COQ10B: variants seen among roughly 807,000 people sequenced by gnomAD.
The protein encoded by COQ10B is coenzyme Q10B.
Under a neutral mutation model 27.6 loss-of-function variants are expected in COQ10B, and 12 were observed. That is an observed-to-expected ratio of 0.43 (90% CI 0.28 to 0.70). The LOEUF is 0.70. COQ10B is among the 30% of genes least tolerant of loss of function. The pLI is 0.17. For synonymous variants in COQ10B, 115 were observed against 103.0 expected, an observed-to-expected ratio of 1.12 and a Z score of -0.71; for missense variants, 278 against 288.7, an observed-to-expected ratio of 0.96 and a Z score of 0.27.
intron 3 of COQ10B, among the ~76,000 whole-genome samples, 165 bp from the exon 4 acceptor site, chr2:197,469,905 T>C (rs2085861605): frequency 6.6e-6 from 1 of 152,174 alleles, no homozygotes; most frequent in Non-Finnish European, 1.5e-5. Flanking sequence ...GGCAAGACAT[T>C]ACTTCCTAGT....
chr2:197,473,867 T>C lies in COQ10B; in HGVS notation c.660T>C (p.Tyr220=), dbSNP rs766180693. The C allele has an allele frequency of 1.9e-6, 3 of 1,602,178 alleles. No homozygotes were observed. The highest frequency in any genetic ancestry group is 2.2e-5 in the South Asian group (2 of 89,330). ...TTGAAAGAAGAGCATGTAAGCTGTA[T>C]GGTCCAGAAACAAATATACCTCGGG... ...AAFERRACKL[Y]GPETNIPREL... The change falls in exon 5 of 5, where the codon TAT becomes TAC. Residue 220 remains tyrosine, a synonymous_variant. Transcript: ENST00000263960.
Position 197,462,539 on chromosome 2 carries a change from A to C in COQ10B, c.255A>C (p.Gly85=). The C allele has an allele frequency of 6.6e-7, 1 of 1,518,072 alleles. No homozygotes were observed. The allele number at this position is 1,518,072 out of a possible 1,614,324, so 94.0% of individuals were successfully genotyped here. A position where few individuals can be genotyped will look rare whatever the true frequency, so the allele number is the denominator to read the frequency against. The change falls in exon 3 of 5, where the codon GGA becomes GGC. Residue 85 remains glycine (G), a splice_region_variant and synonymous_variant. Coordinates refer to ENST00000263960, the MANE Select transcript of COQ10B (RefSeq NM_025147.5). ...TCTTTTTTATTTTTATTTTTTAAAG[A>C]TATTCAATGCAGGAAATGTATGATG... ...RKEYSERRIL[G]YSMQEMYDVV...
At chr2:197,463,994 TATACACAC>T (rs1408271795) in intron 3 of COQ10B, among the ~76,000 whole-genome samples, 116 of 50,850 alleles carry the variant, frequency 2.3e-3, no homozygotes, top group African/African-American at 7.6e-3. Flanking sequence ...TATATATATA[TATACACAC>T]ACACACACAC....
intron 4 of COQ10B, 36 bp from the exon 5 acceptor site, chr2:197,473,721 A>AT: frequency 1.5e-6 from 2 of 1,367,326 alleles, no homozygotes; most frequent in Middle Eastern, 2.5e-4. Context: ...GCAAAAAATA[A>AT]TTTTTTCTAA....
chr2:197,457,879 C>T (rs1160738828), intron 1 of COQ10B, among the ~76,000 whole-genome samples: 1 of 152,228 alleles, frequency 6.6e-6, no homozygotes, highest in African/African-American at 2.4e-5. Flanking sequence ...ACCTCAGCCT[C>T]CCAAAGTGCT....
chr2:197,473,715 A>G, intron 4 of COQ10B, 42 bp from the exon 5 acceptor site: 1 of 1,358,150 alleles, frequency 7.4e-7, no homozygotes, highest in Non-Finnish European at 9.7e-7. Flanking sequence ...AAAAAAGCAA[A>G]AAATAATTTT....
At chr2:197,463,994 TATACAC>T (rs1470090351) in intron 3 of COQ10B, among the ~76,000 whole-genome samples, 120 of 50,840 alleles carry the variant, frequency 2.4e-3, no homozygotes, top group Middle Eastern at 0.014. Flanking sequence ...TATATATATA[TATACAC>T]ACACACACAC....
intron 3 of COQ10B, among the ~76,000 whole-genome samples, chr2:197,469,543 A>T (rs2085858855): frequency 6.6e-6 from 1 of 152,242 alleles, no homozygotes. Context: ...TAGGAAAACT[A>T]GATAGAGGCC....
chr2:197,471,521 A>G (rs931613071), intron 4 of COQ10B, among the ~76,000 whole-genome samples: 4 of 152,190 alleles, frequency 2.6e-5, no homozygotes, highest in Admixed American at 2.0e-4. Context: ...AACAGGTAAT[A>G]TGGGAGTTGT....
chr2:197,459,526 A>C (rs868420852), intron 1 of COQ10B, among the ~76,000 whole-genome samples: 2 of 152,160 alleles, frequency 1.3e-5, no homozygotes, highest in African/African-American at 4.8e-5. Context: ...TTGAGACCTA[A>C]TTTTAAGTCT....
chr2:197,466,946 AT>A lies in COQ10B; in HGVS notation c.448-3108del, dbSNP rs761370832. ...AGTTGTTCCTGGGTTCAGTTTCCAG[AT>A]TTTTTTTTTTTTTTTGAGACCAAGT... On this transcript the variant is annotated intron_variant, in intron 3 of 4. Transcript: ENST00000263960. Among the ~76,000 whole-genome samples, 1,305 of 138,740 alleles carry A rather than the reference AT, an allele frequency of 9.4e-3. 5 individuals are homozygous for A. The highest frequency in any genetic ancestry group is 0.02 in the African/African-American group (765 of 38,146). 91.0% of individuals were successfully genotyped at this position (138,740 alleles called of 152,430 possible).
chr2:197,454,879 C>CA (rs1033103595), intron 1 of COQ10B, among the ~76,000 whole-genome samples: 2 of 151,962 alleles, frequency 1.3e-5, no homozygotes, highest in African/African-American at 4.8e-5. Flanking sequence ...AGACGAGTGA[C>CA]AAAAAAGCTG....
At chr2:197,458,638 TGTCAAATA>T (rs963026920) in intron 1 of COQ10B, among the ~76,000 whole-genome samples, 1 of 152,026 alleles carries the variant, frequency 6.6e-6, no homozygotes, top group Non-Finnish European at 1.5e-5. Context: ...TGACTAGTAG[TGTCAAATA>T]GTCAAATAGT....
intron 1 of COQ10B, chr2:197,454,138 A>G: frequency 6.5e-7 from 1 of 1,550,088 alleles, no homozygotes; most frequent in South Asian, 1.2e-5. Context: ...CTCGCCATTT[A>G]GTGTTTACAA....
At chr2:197,462,251 A>T (rs1195003250) in intron 2 of COQ10B, among the ~76,000 whole-genome samples, 2 of 151,398 alleles carry the variant, frequency 1.3e-5, no homozygotes, top group African/African-American at 4.9e-5. Flanking sequence ...CCTGGGTAAC[A>T]GAATGAGACT....
intron 1 of COQ10B, among the ~76,000 whole-genome samples, chr2:197,457,198 A>G (rs2085709264): frequency 6.6e-6 from 1 of 152,220 alleles, no homozygotes; most frequent in South Asian, 2.1e-4. Context: ...CCTGCTGTGC[A>G]GCCTGGTTCC....
chr2:197,453,695 G>A (rs756249780), intron 1 of COQ10B, 31 bp downstream of exon 1: 5 of 1,580,306 alleles, frequency 3.2e-6, no homozygotes, highest in Non-Finnish European at 4.3e-6. Flanking sequence ...TGAGACGAGA[G>A]TAGTTTTCGA....
rs144002577 is a variant in COQ10B at position 197,473,622 on chromosome 2, G to A, written c.550-135G>A. On this transcript the variant is annotated intron_variant, in intron 4 of 4. Transcript: ENST00000263960. Reference sequence around the variant, plus strand: ...GATTGCTTGAGTCCAGGAGGTTGAGGCTGCAGTGAGCCGCAATTGTGCCAC... The same window carrying A: ...GATTGCTTGAGTCCAGGAGGTTGAGACTGCAGTGAGCCGCAATTGTGCCAC... 1.6e-3 allele frequency: 882 copies of A among 550,484 alleles called. 11 individuals carry two copies. In the African/African-American group the frequency reaches 0.016, roughly 10 times the overall value. 34.1% of individuals were successfully genotyped at this position (550,484 alleles called of 1,614,324 possible).
intron 3 of COQ10B, among the ~76,000 whole-genome samples, chr2:197,468,565 C>T (rs2085849125): frequency 6.6e-6 from 1 of 151,858 alleles, no homozygotes; most frequent in South Asian, 2.1e-4. Flanking sequence ...TAAAGAAGGG[C>T]AGAATGTATT....
Sources: allele counts gnomAD v4.1 joint callset (sites outside exome capture counted in the v4.1 genomes callset), GRCh38; gene constraint gnomAD v4.1.1; transcripts MANE v1.5; gene names NCBI Gene and HGNC (gene_info 2026-07-23, HGNC 2026-07-21).